Variants in TTLL12 observed in about 807,000 individuals in gnomAD.
TTLL12 encodes tubulin tyrosine ligase like 12, also known as tubulin--tyrosine ligase-like protein 12.
A neutral mutation model predicts 79.6 loss-of-function variants in TTLL12; 77 were observed. The observed-to-expected ratio is 0.97, with a 90% CI of 0.81 to 1.17. The LOEUF is 1.17. Ranked by LOEUF, TTLL12 falls within the 50% of genes most tolerant of loss-of-function variation. TTLL12 has a pLI of 0.00. For synonymous variants in TTLL12, 437 were observed against 376.1 expected, an observed-to-expected ratio of 1.16 and a Z score of -1.87; for missense variants, 969 against 895.9, an observed-to-expected ratio of 1.08 and a Z score of -1.04.
chr22:43,182,308 G>A (rs1037228964), intron 2 of TTLL12, among the ~76,000 whole-genome samples: 5 of 152,228 alleles, frequency 3.3e-5, no homozygotes, highest in African/African-American at 4.8e-5. Flanking sequence ...CCGTATTTCC[G>A]GGGTGGCTTG....
rs774363795 is a variant in TTLL12, at chr22:43,173,840, G to C, written c.1230-14C>G. The C allele has an allele frequency of 1.7e-5, 27 of 1,597,754 alleles. No individual in the cohort carries two copies. Among genetic ancestry groups the C allele is most frequent in the Non-Finnish European group, 2.1e-5 (25 of 1,178,326 alleles). ...TTGTCCTCGCCCCTGGGGAGCAGAAGGGCTGTCTGGGGGGCGCCTGGGGCC... is the reference window on the plus strand; with the variant it reads ...TTGTCCTCGCCCCTGGGGAGCAGAACGGCTGTCTGGGGGGCGCCTGGGGCC... On this transcript the variant is annotated splice_polypyrimidine_tract_variant and intron_variant, in intron 8 of 13. Transcript: ENST00000216129.
At chr22:43,174,643 C>T (rs763669754) in intron 6 of TTLL12, 28 bp from the exon 7 acceptor site, 17 of 1,543,874 alleles carry the variant, frequency 1.1e-5, no homozygotes, top group South Asian at 9.2e-5. Flanking sequence ...GCTGGGTGAT[C>T]CCGGCTCCCA....
Position 43,174,539 on chromosome 22 carries a change from C to T in TTLL12, c.994G>A (p.Ala332Thr), listed in dbSNP as rs771928793. 25 of 1,613,408 alleles carry T rather than the reference C, an allele frequency of 1.5e-5. No homozygotes were observed. The highest frequency in any genetic ancestry group is 2.2e-5 in the East Asian group (1 of 44,868). ...RFTLTQSEAD[A>T]DILFNFSHFK... ...TGTGAGAAGTTGAAGAGGATGTCGG[C>T]GTCCGCCTCACTCTGGGTGAGGGTG... Residue 332 changes from alanine (A) to threonine (T), a missense_variant, in exon 7 of 14, where the codon GCC becomes ACC. By Grantham distance (58) the Ala-to-Thr change is moderately conservative. Coordinates refer to ENST00000216129, the MANE Select transcript of TTLL12 (RefSeq NM_015140.4).
intron 9 of TTLL12, 138 bp from the exon 10 acceptor site, chr22:43,172,692 C>T (rs1482210286): frequency 3.4e-6 from 3 of 875,700 alleles, no homozygotes; most frequent in Non-Finnish European, 5.1e-6. Flanking sequence ...GCCTAAGTTG[C>T]TGCAAAGTCT....
At chr22:43,172,091 G>C (rs1376064403) in intron 10 of TTLL12, among the ~76,000 whole-genome samples, 191 bp from the exon 11 acceptor site, 2 of 152,242 alleles carry the variant, frequency 1.3e-5, no homozygotes, top group Non-Finnish European at 2.9e-5. Flanking sequence ...CTGGGGTGGA[G>C]GTGAGTGAGG....
intron 5 of TTLL12, among the ~76,000 whole-genome samples, chr22:43,177,949 A>G (rs1279445674): frequency 1.3e-5 from 2 of 152,214 alleles, no homozygotes. Context: ...ATGGGAAAAA[A>G]CAAGGATGCG....
rs755974036 is a variant in TTLL12, at chr22:43,176,367, C to T, written c.870G>A (p.Leu290=). The T allele has an allele frequency of 1.0e-5, 16 of 1,605,356 alleles. No homozygotes were observed. The Admixed American group carries it at 1.7e-4, about 17-fold the overall frequency. The change falls in exon 6 of 14, where the codon CTG becomes CTA. Residue 290 remains leucine (L), a synonymous_variant. Transcript: ENST00000216129. ...GCACCACGGGGTTGATGTCAAGTGGCAGCTTCTCCTTGTTTTCCTCCAGAA... is the reference window on the plus strand; with the variant it reads ...GCACCACGGGGTTGATGTCAAGTGGTAGCTTCTCCTTGTTTTCCTCCAGAA... The part of the protein sequence containing the change: ...QAILEENKEK[L]PLDINPVVHP...
rs755847390 is a variant in TTLL12 at position 43,176,332 on chromosome 22, C to G, written c.905G>C (p.Gly302Ala). 6.3e-7 allele frequency: 1 copy of G among 1,598,498 alleles called. No homozygotes were observed. Among genetic ancestry groups the G allele is most frequent in the South Asian group, 1.1e-5 (1 of 88,014 alleles). The change falls in exon 6 of 14, where the codon GGC (glycine) becomes GCC (alanine). Residue 302 changes from glycine to alanine, a missense_variant. Physicochemically the swap from Gly to Ala is moderately conservative, Grantham distance 60 (BLOSUM62 0). Transcript: ENST00000216129. ...LDINPVVHPH[G>A]HIFKVYTDVQ... The stretch of plus-strand genomic sequence containing the variant: ...GGGGGCTACGCACTTGAAGATGTGG[C>G]CGTGGGGGTGCACCACGGGGTTGAT...
In TTLL12 at chr22:43,180,913, C is replaced by T. The variant is rs773497942; in HGVS notation, c.375G>A (p.Thr125=). The T allele has an allele frequency of 8.1e-6, 13 of 1,612,004 alleles. No individual in the cohort carries two copies. The highest frequency in any genetic ancestry group is 3.3e-5 in the Admixed American group (2 of 59,956). ...GCTGGCGCGCGTGCTCCACACGGCA[C>T]GTCCAGGCGTGGTCGATGAGGAAGA... ...NSIFLIDHAW[T]CRVEHARQQL... Residue 125 remains threonine, a synonymous_variant, in exon 3 of 14, where the codon ACG becomes ACA. Transcript: ENST00000216129.
At chr22:43,180,405 G>A (rs1337805825) in intron 3 of TTLL12, among the ~76,000 whole-genome samples, 3 of 152,168 alleles carry the variant, frequency 2.0e-5, no homozygotes, top group Admixed American at 1.3e-4. Flanking sequence ...TAAGAGTGGT[G>A]AGGGGCTGGA....
At position 43,171,890 on chromosome 22, in the gene TTLL12, G is replaced by A. The variant is rs763653820; in HGVS notation, c.1504C>T (p.Leu502Phe). 9 of 1,614,138 alleles carry A rather than the reference G, an allele frequency of 5.6e-6. No homozygotes were observed. In the East Asian group the frequency reaches 2.0e-4, roughly 36 times the overall value. The part of the protein sequence containing the change: ...WLRFSNRAFA[L>F]NDLDDYEKHF... ...TTCTCGTAGTCATCCAGGTCGTTGA[G>A]TGCAAAGGCCCTGGAAGACAAGTGT... The change falls in exon 11 of 14, where the codon CTC (leucine) becomes TTC (phenylalanine). Residue 502 changes from leucine (L) to phenylalanine (F), a missense_variant. By Grantham distance (22) the Leu-to-Phe change is conservative (BLOSUM62 0). Transcript: ENST00000216129.
chr22:43,180,051 A>C, intron 3 of TTLL12, 51 bp from the exon 4 acceptor site: 1 of 1,517,966 alleles, frequency 6.6e-7, no homozygotes, highest in Non-Finnish European at 8.8e-7. Context: ...CACCCACCGG[A>C]ACTCCCTTCC....
At chr22:43,179,045 T>C (rs1353942349) in intron 5 of TTLL12, among the ~76,000 whole-genome samples, 1 of 152,016 alleles carries the variant, frequency 6.6e-6, no homozygotes, top group Non-Finnish European at 1.5e-5. Context: ...CAGGCTCCTC[T>C]TCCTCCCCCG....
intron 11 of TTLL12, 142 bp downstream of exon 11, chr22:43,171,677 C>T (rs975024962): frequency 3.8e-5 from 24 of 638,436 alleles, no homozygotes; most frequent in Non-Finnish European, 5.2e-5. Context: ...CGCTAACAAT[C>T]GCCTTCCATA....
chr22:43,167,260 C>T lies in TTLL12; in HGVS notation c.*748G>A, dbSNP rs367719630. On this transcript the variant is annotated 3_prime_UTR_variant, in exon 14 of 14. Transcript: ENST00000216129. ...ACAAGGGCGGGACCCCGTGGAGTGC[C>T]CGGCGAGCAGGGCAACCACTGGGAA... is the stretch of plus-strand genomic sequence containing the variant. 6.4e-5 allele frequency: 33 copies of T among 512,746 alleles called. No homozygotes were observed. Among genetic ancestry groups the T allele is most frequent in the African/African-American group, 6.2e-4 (32 of 51,704 alleles). The allele number at this position is 512,746 out of a possible 1,614,324, so 31.8% of individuals were successfully genotyped here.
At chr22:43,170,685 C>A (rs956170601) in intron 11 of TTLL12, among the ~76,000 whole-genome samples, 1 of 152,072 alleles carries the variant, frequency 6.6e-6, no homozygotes, top group African/African-American at 2.4e-5. Context: ...CTGAGGCAGG[C>A]GGAGCGCTTG....
intron 6 of TTLL12, chr22:43,175,786 C>T (rs930133763): frequency 6.6e-6 from 1 of 151,806 alleles, no homozygotes; most frequent in Non-Finnish European, 1.5e-5. Flanking sequence ...TCTTCTTCCT[C>T]CTTGGCCTCC....
chr22:43,180,814 G>A lies in TTLL12; in HGVS notation c.474C>T (p.Pro158=), dbSNP rs759001885. The A allele has an allele frequency of 3.7e-6, 6 of 1,613,088 alleles. No individual in the cohort carries two copies. The East Asian group carries it at 1.3e-4, about 36-fold the overall frequency. ...GCACCAGGGCCACAGCCTCTGTACT[G>A]GGCAGCTCACCGTGGAACTCAATGC... ...LMGIEFHGEL[P]STEAVALVLE... Residue 158 remains proline, a synonymous_variant, in exon 3 of 14, where the codon CCC becomes CCT. Coordinates refer to ENST00000216129, the MANE Select transcript of TTLL12 (RefSeq NM_015140.4).
intron 9 of TTLL12, 144 bp from the exon 10 acceptor site, chr22:43,172,698 A>G: frequency 1.2e-6 from 1 of 857,330 alleles, no homozygotes; most frequent in South Asian, 1.8e-5. Context: ...GTTGCTGCAA[A>G]GTCTTTTTTT....
Sources: gnomAD v4.1 joint callset for allele counts (sites outside exome capture counted in the v4.1 genomes callset) on GRCh38, gnomAD v4.1.1 for gene constraint, MANE v1.5 for transcripts, NCBI Gene and HGNC (gene_info 2026-07-23, HGNC 2026-07-21) for gene names.